The following CPQ variants were observed in gnomAD, a reference collection of about 807,000 sequenced individuals.
CPQ encodes the protein carboxypeptidase Q.
CPQ carries 37 observed loss-of-function variants against 45.7 expected under a neutral mutation model. That is an observed-to-expected ratio of 0.81 (90% CI 0.62 to 1.07). The LOEUF is 1.07. CPQ is among the 50% of genes least tolerant of loss of function. The probability of loss-of-function intolerance (pLI) is 0.00; values close to 1 mark genes in which losing one functional copy is unlikely to be tolerated. For synonymous variants in CPQ, 186 were observed against 205.8 expected, an observed-to-expected ratio of 0.90 and a Z score of 0.82; for missense variants, 537 against 572.9, an observed-to-expected ratio of 0.94 and a Z score of 0.64.
intron 1 of CPQ, chr8:96,760,964 T>A (rs1810394231): frequency 6.6e-6 from 1 of 152,188 alleles, no homozygotes; most frequent in Non-Finnish European, 1.5e-5. Flanking sequence ...CTTCCAGATT[T>A]TACAGCTTTA....
In CPQ at chr8:96,735,371, C is replaced by G. The variant is rs111803306; in HGVS notation, c.-34-49493C>G. Among the ~76,000 whole-genome samples, 908 of 152,342 alleles carry G rather than the reference C, an allele frequency of 6.0e-3. 16 individuals are homozygous for G. Among genetic ancestry groups the G allele is most frequent in the African/African-American group, 0.016 (656 of 41,572 alleles). ...TGGTAGTTTTAAGAGGCTTCTCAAG[C>G]TTGCAGAAACCCTTGTGGGTATGAC... is the stretch of plus-strand genomic sequence containing the variant. On this transcript the variant is annotated intron_variant, in intron 1 of 7. Coordinates refer to ENST00000220763, the MANE Select transcript of CPQ (RefSeq NM_016134.4).
At chr8:96,840,959 A>G (rs1041102426) in intron 3 of CPQ, among the ~76,000 whole-genome samples, 1 of 152,308 alleles carries the variant, frequency 6.6e-6, no homozygotes. Context: ...ACTTCAGCTG[A>G]GCAGATTAGC....
chr8:97,074,436 G>A (rs980956667), intron 7 of CPQ, among the ~76,000 whole-genome samples: 1 of 152,146 alleles, frequency 6.6e-6, no homozygotes, highest in African/African-American at 2.4e-5. Flanking sequence ...AGAAAGACGT[G>A]GAAGAGAGGA....
At chr8:96,656,113 CA>C (rs1382005039) in intron 1 of CPQ, among the ~76,000 whole-genome samples, 3 of 152,314 alleles carry the variant, frequency 2.0e-5, no homozygotes, top group African/African-American at 7.2e-5. Context: ...CTTGGCCTCC[CA>C]AAATGCTGGA....
intron 6 of CPQ, among the ~76,000 whole-genome samples, chr8:97,037,936 C>A (rs765340231): frequency 9.9e-5 from 15 of 152,104 alleles, no homozygotes; most frequent in African/African-American, 3.6e-4. Flanking sequence ...TAGAAGGGAT[C>A]CTTCTTAACT....
intron 3 of CPQ, among the ~76,000 whole-genome samples, chr8:96,840,846 C>T (rs2130852966): frequency 6.6e-6 from 1 of 152,190 alleles, no homozygotes; most frequent in Non-Finnish European, 1.5e-5. Context: ...GTATTTAGTT[C>T]AGCCCAAAAT....
intron 1 of CPQ, among the ~76,000 whole-genome samples, chr8:96,748,837 G>A (rs371603885): frequency 3.9e-5 from 6 of 151,998 alleles, no homozygotes; most frequent in African/African-American, 1.4e-4. Flanking sequence ...TTTTGTGAAC[G>A]CTGTTAGGTA....
chr8:96,787,703 T>C (rs1045527865), intron 2 of CPQ, among the ~76,000 whole-genome samples: 2 of 151,790 alleles, frequency 1.3e-5, no homozygotes, highest in African/African-American at 4.8e-5. Flanking sequence ...CGCTTTTCTT[T>C]GTGGGAAGAT....
chr8:96,991,650 C>T (rs562030131), intron 5 of CPQ, among the ~76,000 whole-genome samples: 2 of 151,898 alleles, frequency 1.3e-5, no homozygotes, highest in East Asian at 3.9e-4. Context: ...ATTTCCTTCC[C>T]TGCTACATTG....
At chr8:96,661,331 A>G (rs1328939642) in intron 1 of CPQ, among the ~76,000 whole-genome samples, 1 of 152,078 alleles carries the variant, frequency 6.6e-6, no homozygotes, top group Non-Finnish European at 1.5e-5. Flanking sequence ...ATGAACCCAT[A>G]TAGACATATC....
chr8:96,661,112 A>C (rs1428341530), intron 1 of CPQ, among the ~76,000 whole-genome samples: 3 of 152,232 alleles, frequency 2.0e-5, no homozygotes, highest in Admixed American at 1.3e-4. Context: ...AGAAATGCTA[A>C]TATTTTTATT....
chr8:96,900,757 T>C (rs569388057), intron 4 of CPQ, among the ~76,000 whole-genome samples: 1 of 152,306 alleles, frequency 6.6e-6, no homozygotes, highest in South Asian at 2.1e-4. Context: ...TTGTTCTATA[T>C]TCAGACTGCT....
chr8:96,959,759 T>C (rs1813420884), intron 4 of CPQ, among the ~76,000 whole-genome samples: 1 of 152,004 alleles, frequency 6.6e-6, no homozygotes, highest in Non-Finnish European at 1.5e-5. Flanking sequence ...TTTGGGGATT[T>C]CCTGTGTCTG....
At chr8:96,851,494 A>G (rs1811770435) in intron 3 of CPQ, among the ~76,000 whole-genome samples, 1 of 152,182 alleles carries the variant, frequency 6.6e-6, no homozygotes, top group African/African-American at 2.4e-5. Context: ...TCTGCTTCCA[A>G]GATGGCACCT....
intron 6 of CPQ, among the ~76,000 whole-genome samples, chr8:97,035,297 G>A (rs1336040910): frequency 6.6e-6 from 1 of 152,166 alleles, no homozygotes; most frequent in African/African-American, 2.4e-5. Flanking sequence ...CATGTGAGTT[G>A]TTTCCAGTTT....
At chr8:96,855,807 G>A (rs1234556850) in intron 3 of CPQ, among the ~76,000 whole-genome samples, 1 of 152,200 alleles carries the variant, frequency 6.6e-6, no homozygotes, top group Non-Finnish European at 1.5e-5. Flanking sequence ...GCATTAGAGT[G>A]TTGATTTGAG....
intron 4 of CPQ, among the ~76,000 whole-genome samples, chr8:96,891,437 G>C (rs896505865): frequency 6.6e-6 from 1 of 152,174 alleles, no homozygotes; most frequent in African/African-American, 2.4e-5. Flanking sequence ...GGCTGTAGCC[G>C]GGTCAGCTTG....
At chr8:96,972,118 C>T (rs1813689808) in intron 5 of CPQ, among the ~76,000 whole-genome samples, 1 of 152,236 alleles carries the variant, frequency 6.6e-6, no homozygotes, top group Non-Finnish European at 1.5e-5. Flanking sequence ...AGTTCTCAGC[C>T]CTAGTTACCT....
At chr8:96,802,409 A>C (rs958838386) in intron 2 of CPQ, among the ~76,000 whole-genome samples, 1 of 152,184 alleles carries the variant, frequency 6.6e-6, no homozygotes, top group Non-Finnish European at 1.5e-5. Context: ...TTTCACATTG[A>C]AAGTGGCTCC....
Sources: gnomAD v4.1 joint callset for allele counts (sites outside exome capture counted in the v4.1 genomes callset) on GRCh38, gnomAD v4.1.1 for gene constraint, MANE v1.5 for transcripts, NCBI Gene and HGNC (gene_info 2026-07-23, HGNC 2026-07-21) for gene names.